The following USP48 variants were observed in gnomAD, a reference collection of about 807,000 sequenced individuals.
USP48 encodes ubiquitin carboxyl-terminal hydrolase 48.
In USP48, 43 loss-of-function variants were observed where a neutral mutation model predicts 150.7. That is an observed-to-expected ratio of 0.29 (90% CI 0.22 to 0.37). The LOEUF is 0.37. USP48 is among the 10% of genes least tolerant of loss of function. USP48 has a pLI of 1.00. For synonymous variants in USP48, 396 were observed against 425.9 expected (o/e 0.93, Z 0.86); for missense variants, 813 against 1,249.6 (o/e 0.65, Z 5.27).
chr1:21,706,767 T>G lies in USP48; in HGVS notation c.2065A>C (p.Lys689Gln). The change falls in exon 16 of 27, where the codon AAA (lysine) becomes CAA (glutamine). Residue 689 changes from lysine (K) to glutamine (Q), a missense_variant. Transcript: ENST00000308271. ...FPKAPEFPSY[K>Q]ECCSQCKILE... The stretch of plus-strand genomic sequence containing the variant: ...ACCTTGCACTGTGAACAGCACTCTT[T>G]GTAACTTGGAAACTCAGGAGCCTTT... 2.5e-6 allele frequency: 4 copies of G among 1,612,848 alleles called. No individual in the cohort carries two copies. The highest frequency in any genetic ancestry group is 2.5e-6 in the Non-Finnish European group (3 of 1,179,690).
chr1:21,776,986 A>C (rs1169196926), intron 1 of USP48, among the ~76,000 whole-genome samples: 3 of 149,650 alleles, frequency 2.0e-5, no homozygotes, highest in Non-Finnish European at 3.0e-5. Flanking sequence ...GTGGTGGTGC[A>C]TGCCTGTAAT....
At position 21,697,473 on chromosome 1, in the gene USP48, C is replaced by T. The variant is rs571453278; in HGVS notation, c.2728-2252G>A. ...GGTCAGGAGATTGAGACCATCCTGG[C>T]TAACATGGTGAAACCCCGTCTCTAC... On this transcript the variant is annotated intron_variant, in intron 22 of 26. Transcript: ENST00000308271. 5.9e-5 allele frequency among the ~76,000 whole-genome samples: 9 copies of T among 152,178 alleles called. No homozygotes were observed. The South Asian group carries it at 1.0e-3, about 18-fold the overall frequency.
At chr1:21,753,833 A>C (rs1281523496) in intron 3 of USP48, among the ~76,000 whole-genome samples, 4 of 150,564 alleles carry the variant, frequency 2.7e-5, no homozygotes, top group African/African-American at 9.8e-5. Context: ...TAAAAAAAAA[A>C]AAAAAAAAAA....
chr1:21,683,051 A>G (rs1351045924), intron 25 of USP48, among the ~76,000 whole-genome samples: 1 of 152,122 alleles, frequency 6.6e-6, no homozygotes, highest in Non-Finnish European at 1.5e-5. Flanking sequence ...ACCTGACGAC[A>G]GGAATTTGAG....
At chr1:21,740,075 C>T (rs567347135) in intron 8 of USP48, among the ~76,000 whole-genome samples, 3 of 152,256 alleles carry the variant, frequency 2.0e-5, no homozygotes, top group Admixed American at 1.3e-4. Flanking sequence ...CCATGCCTGG[C>T]TAATTTTGTA....
At position 21,705,709 on chromosome 1, in the gene USP48, T is replaced by C. The variant is rs763086438; in HGVS notation, c.2384+18A>G. On this transcript the variant is annotated intron_variant, in intron 19 of 26. Coordinates refer to ENST00000308271, the MANE Select transcript of USP48 (RefSeq NM_032236.8). Reference sequence around the variant, plus strand: ...GAGAAAAGAAGAAAAAAAAATCACATGAAGAGAAGGAACTCACAGTTTAGA... The same window carrying C: ...GAGAAAAGAAGAAAAAAAAATCACACGAAGAGAAGGAACTCACAGTTTAGA... 4 of 1,540,354 alleles carry C rather than the reference T, an allele frequency of 2.6e-6. No individual in the cohort carries two copies. Among genetic ancestry groups the C allele is most frequent in the African/African-American group, 2.8e-5 (2 of 71,522 alleles).
At chr1:21,704,486 C>T in intron 19 of USP48, 94 bp from the exon 20 acceptor site, 1 of 1,330,518 alleles carries the variant, frequency 7.5e-7, no homozygotes, top group South Asian at 1.6e-5. Flanking sequence ...ACCATTAACA[C>T]TAACATTTAA....
At chr1:21,750,324 G>T (rs1314176742) in intron 6 of USP48, among the ~76,000 whole-genome samples, 2 of 151,986 alleles carry the variant, frequency 1.3e-5, no homozygotes, top group Non-Finnish European at 2.9e-5. Flanking sequence ...TCTTCTCCTT[G>T]TTTCTAACGG....
At chr1:21,690,592 T>C (rs943643741) in intron 23 of USP48, among the ~76,000 whole-genome samples, 1 of 152,110 alleles carries the variant, frequency 6.6e-6, no homozygotes, top group Non-Finnish European at 1.5e-5. Flanking sequence ...GGCGCGATCA[T>C]GGCTCATTGC....
At chr1:21,733,936 G>A (rs2097762940) in intron 9 of USP48, among the ~76,000 whole-genome samples, 1 of 152,060 alleles carries the variant, frequency 6.6e-6, no homozygotes, top group Non-Finnish European at 1.5e-5. Flanking sequence ...GATTATAGAT[G>A]TAAGCCACCT....
chr1:21,758,686 G>C (rs1419695912), intron 1 of USP48, among the ~76,000 whole-genome samples: 1 of 151,990 alleles, frequency 6.6e-6, no homozygotes, highest in Non-Finnish European at 1.5e-5. Context: ...GGACACGGAG[G>C]TTGCAGGGAG....
intron 7 of USP48, 39 bp downstream of exon 7, chr1:21,748,099 C>A: frequency 1.0e-5 from 16 of 1,594,330 alleles, no homozygotes; most frequent in Non-Finnish European, 1.2e-5. Context: ...CATAGTAGAC[C>A]ACAATGAACA....
At chr1:21,711,852 G>C (rs1300319550) in intron 15 of USP48, among the ~76,000 whole-genome samples, 4 of 152,178 alleles carry the variant, frequency 2.6e-5, no homozygotes, top group South Asian at 2.1e-4. Context: ...AATGGCTTTG[G>C]ACTTCTGAAT....
At chr1:21,694,594 AAAAAAAAAAAAAACC>A (rs1557429075) in intron 23 of USP48, among the ~76,000 whole-genome samples, 5 of 123,462 alleles carry the variant, frequency 4.0e-5, no homozygotes, top group East Asian at 2.2e-4. Flanking sequence ...AAAAAAAAAA[AAAAAAAAAAAAAACC>A]CCCTCTATCT....
intron 15 of USP48, among the ~76,000 whole-genome samples, chr1:21,708,351 T>C (rs890416752): frequency 6.6e-6 from 1 of 151,146 alleles, no homozygotes; most frequent in South Asian, 2.1e-4. Context: ...ATACAAAAAT[T>C]AGCCAGGTGT....
intron 23 of USP48, among the ~76,000 whole-genome samples, chr1:21,694,586 A>AC (rs2097617450): frequency 1.5e-5 from 2 of 130,066 alleles, no homozygotes; most frequent in South Asian, 2.5e-4. Context: ...AAAAAAAAAA[A>AC]AAAAAAAAAA....
At chr1:21,752,964 TAAA>T (rs752184432) in intron 4 of USP48, 25 bp downstream of exon 4, 5 of 1,270,874 alleles carry the variant, frequency 3.9e-6, no homozygotes, top group Admixed American at 5.2e-5. Context: ...TCTGAATATT[TAAA>T]AAAAAAAAAA....
intron 3 of USP48, among the ~76,000 whole-genome samples, chr1:21,753,448 G>T (rs945945749): frequency 5.9e-5 from 9 of 151,726 alleles, no homozygotes; most frequent in Non-Finnish European, 1.3e-4. Context: ...CCAGCTACTT[G>T]GGAGGCTGAG....
At chr1:21,751,174 A>G (rs942877432) in intron 6 of USP48, among the ~76,000 whole-genome samples, 1 of 152,218 alleles carries the variant, frequency 6.6e-6, no homozygotes, top group African/African-American at 2.4e-5. Context: ...TATTTAGCAC[A>G]TTCTCGTTTT....
Sources: gnomAD v4.1 joint callset for allele counts (sites outside exome capture counted in the v4.1 genomes callset) on GRCh38, gnomAD v4.1.1 for gene constraint, MANE v1.5 for transcripts, NCBI Gene and HGNC (gene_info 2026-07-23, HGNC 2026-07-21) for gene names.